TMEM154: variants seen among roughly 807,000 people sequenced by gnomAD.
The protein encoded by TMEM154 is transmembrane protein 154.
In TMEM154, 27 loss-of-function variants were observed where a neutral mutation model predicts 24.5. The observed-to-expected ratio is 1.10, with a 90% CI of 0.81 to 1.52. The LOEUF is 1.52. Among genes scored for constraint, TMEM154 ranks in the 40% most tolerant of loss-of-function variants. The probability of loss-of-function intolerance (pLI) is 0.00; values close to 1 mark genes in which losing one functional copy is unlikely to be tolerated. For missense variants in TMEM154, 228 were observed against 213.4 expected (o/e 1.07, Z -0.43); for synonymous variants, 67 against 76.8 (o/e 0.87, Z 0.67).
rs866461740 is a variant in TMEM154 at position 152,628,600 on chromosome 4, A to C, written c.537-39T>G. 4.9e-3 allele frequency: 4,838 copies of C among 988,168 alleles called. 134 individuals are homozygous for C. The highest frequency in any genetic ancestry group is 0.018 in the African/African-American group (887 of 50,228). 61.2% of individuals were successfully genotyped at this position (988,168 alleles called of 1,614,324 possible). ...AAAAAAAAAAAAAAAAAACAAAAAA[A>C]ACACACACACACACACAAAACAGTA... On this transcript the variant is annotated intron_variant, in intron 6 of 6. Coordinates refer to ENST00000304385, the MANE Select transcript of TMEM154 (RefSeq NM_152680.3).
intron 1 of TMEM154, among the ~76,000 whole-genome samples, chr4:152,656,069 T>C (rs1310653243): frequency 6.6e-6 from 1 of 152,168 alleles, no homozygotes. Flanking sequence ...CTACCCACTC[T>C]GCTGCCACCA....
At chr4:152,641,165 A>C (rs1752250444) in intron 5 of TMEM154, 180 bp from the exon 6 acceptor site, 2 of 550,822 alleles carry the variant, frequency 3.6e-6, no homozygotes, top group Non-Finnish European at 3.1e-6. Flanking sequence ...GAAATGGAAA[A>C]AGCACTAATA....
At chr4:152,643,017 A>G in intron 5 of TMEM154, 71 bp downstream of exon 5, 2 of 1,124,984 alleles carry the variant, frequency 1.8e-6, no homozygotes, top group Middle Eastern at 2.7e-4. Flanking sequence ...TTATTGAGAT[A>G]TTTATAAAGC....
At chr4:152,670,412 GGT>G (rs1205192220) in intron 1 of TMEM154, among the ~76,000 whole-genome samples, 1 of 152,106 alleles carries the variant, frequency 6.6e-6, no homozygotes, top group African/African-American at 2.4e-5. Context: ...TGGTCAACAT[GGT>G]AAAACACCAT....
chr4:152,633,410 T>C (rs1752088191), intron 6 of TMEM154, among the ~76,000 whole-genome samples: 1 of 152,374 alleles, frequency 6.6e-6, no homozygotes, highest in South Asian at 2.1e-4. Context: ...CAAATGCTCC[T>C]TCCTTTATTT....
At chr4:152,640,888 C>A in intron 6 of TMEM154, 40 bp downstream of exon 6, 1 of 1,297,648 alleles carries the variant, frequency 7.7e-7, no homozygotes, top group Non-Finnish European at 1.1e-6. Flanking sequence ...CCCCCGCCCC[C>A]CGCCATATAC....
In TMEM154 at chr4:152,644,454, T is replaced by C; in HGVS notation, c.365-12A>G. On this transcript the variant is annotated splice_polypyrimidine_tract_variant and intron_variant, in intron 3 of 6. Transcript: ENST00000304385. ...ACTTCCCAGTTCATCTAAAAGGAAA[T>C]GAACATAAAGGTCATGTTAGCTTTG... 1 of 1,614,006 alleles carries C rather than the reference T, an allele frequency of 6.2e-7. No individual in the cohort carries two copies. The highest frequency in any genetic ancestry group is 8.5e-7 in the Non-Finnish European group (1 of 1,179,890).
chr4:152,630,675 A>C (rs557354685), intron 6 of TMEM154, among the ~76,000 whole-genome samples: 1 of 152,366 alleles, frequency 6.6e-6, no homozygotes, highest in Admixed American at 6.5e-5. Context: ...GTTGTAATAG[A>C]AGTGATTTTT....
chr4:152,663,769 T>C (rs1162621524), intron 1 of TMEM154, among the ~76,000 whole-genome samples: 1 of 152,244 alleles, frequency 6.6e-6, no homozygotes, highest in Non-Finnish European at 1.5e-5. Flanking sequence ...TTATTGTTTA[T>C]CCAAAAATCT....
At chr4:152,648,408 T>C (rs893732380) in intron 3 of TMEM154, among the ~76,000 whole-genome samples, 8 of 152,246 alleles carry the variant, frequency 5.3e-5, no homozygotes, top group African/African-American at 1.9e-4. Flanking sequence ...GGTGGGAGGA[T>C]CACTTGAGCC....
intron 1 of TMEM154, among the ~76,000 whole-genome samples, chr4:152,674,326 AAG>A (rs869142403): frequency 7.3e-5 from 4 of 54,956 alleles, no homozygotes; most frequent in African/African-American, 1.2e-4. Flanking sequence ...TAAGAAAAAA[AAG>A]TCACTGAAAT....
intron 3 of TMEM154, among the ~76,000 whole-genome samples, chr4:152,651,913 G>A (rs558791856): frequency 3.9e-5 from 6 of 152,260 alleles, no homozygotes; most frequent in South Asian, 2.1e-4. Context: ...TGCCATTGTA[G>A]GGTTATGAAT....
In TMEM154 at chr4:152,621,134, A is replaced by G. The variant is rs747619037; in HGVS notation, c.*7412T>C. 1.3e-5 allele frequency: 2 copies of G among 152,256 alleles called. No individual in the cohort carries two copies. Among genetic ancestry groups the G allele is most frequent in the African/African-American group, 2.4e-5 (1 of 41,466 alleles). The allele number at this position is 152,256 out of a possible 1,614,324, so 9.4% of individuals were successfully genotyped here. ...AGATTGGCCAATGAGATGTAAGCAG[A>G]GTTGCTTCACTGGGCTGGCAGGAAA... is the stretch of plus-strand genomic sequence containing the variant. On this transcript the variant is annotated 3_prime_UTR_variant, in exon 7 of 7. Coordinates refer to ENST00000304385, the MANE Select transcript of TMEM154 (RefSeq NM_152680.3).
chr4:152,633,915 A>C (rs994051858), intron 6 of TMEM154, among the ~76,000 whole-genome samples: 4 of 149,576 alleles, frequency 2.7e-5, no homozygotes, highest in African/African-American at 7.4e-5. Flanking sequence ...CTTATACCTT[A>C]TGTTTGGGTG....
intron 3 of TMEM154, among the ~76,000 whole-genome samples, chr4:152,651,482 G>C (rs935879873): frequency 2.0e-5 from 3 of 152,166 alleles, no homozygotes; most frequent in East Asian, 3.8e-4. Context: ...TTATAGAAAT[G>C]GCTTTTTCCC....
Position 152,627,748 on chromosome 4 carries a change from T to A in TMEM154, c.*798A>T, listed in dbSNP as rs1438106254. 1 of 152,210 alleles carries A rather than the reference T, an allele frequency of 6.6e-6. No individual in the cohort carries two copies. Among genetic ancestry groups the A allele is most frequent in the Admixed American group, 6.5e-5 (1 of 15,286 alleles). The allele number at this position is 152,210 out of a possible 1,614,324, so 9.4% of individuals were successfully genotyped here. On this transcript the variant is annotated 3_prime_UTR_variant, in exon 7 of 7. Coordinates refer to ENST00000304385, the MANE Select transcript of TMEM154 (RefSeq NM_152680.3). ...CCTGCACATACTTCCTACCTACATG[T>A]CACATCCAAGGGAGGTATGGTGAAA...
chr4:152,660,379 C>CCT (rs567415345), intron 1 of TMEM154, among the ~76,000 whole-genome samples: 1 of 151,218 alleles, frequency 6.6e-6, no homozygotes, highest in African/African-American at 2.5e-5. Context: ...AGACCCCGCC[C>CCT]CCCCCTCACT....
chr4:152,673,395 G>A (rs770592499), intron 1 of TMEM154, among the ~76,000 whole-genome samples: 65 of 152,156 alleles, frequency 4.3e-4, no homozygotes, highest in Non-Finnish European at 6.9e-4. Context: ...TTGCCTTCCA[G>A]GTTCAAGCAG....
At chr4:152,642,492 A>G (rs1358689032) in intron 5 of TMEM154, among the ~76,000 whole-genome samples, 1 of 152,220 alleles carries the variant, frequency 6.6e-6, no homozygotes, top group Admixed American at 6.5e-5. Flanking sequence ...CCAGATATCA[A>G]TTGGAAATTG....
Sources: allele counts gnomAD v4.1 joint callset (sites outside exome capture counted in the v4.1 genomes callset), GRCh38; gene constraint gnomAD v4.1.1; transcripts MANE v1.5; gene names NCBI Gene and HGNC (gene_info 2026-07-23, HGNC 2026-07-21).